Variants in KIF3A observed in about 807,000 individuals in gnomAD.
KIF3A encodes the protein kinesin family member 3A.
KIF3A carries 27 observed loss-of-function variants against 92.6 expected under a neutral mutation model. That is an observed-to-expected ratio of 0.29 (90% CI 0.21 to 0.40). The LOEUF is 0.40. Ranked by LOEUF, KIF3A falls within the 10% of genes least tolerant of loss-of-function variation. The pLI, the probability that KIF3A is intolerant of heterozygous loss-of-function variation, is 1.00. For missense variants in KIF3A, 581 were observed against 872.6 expected (o/e 0.67, Z 4.21); for synonymous variants, 250 against 275.4 (o/e 0.91, Z 0.92).
chr5:132,712,815 A>T (rs1753473638), intron 8 of KIF3A, among the ~76,000 whole-genome samples: 1 of 152,228 alleles, frequency 6.6e-6, no homozygotes, highest in South Asian at 2.1e-4. Context: ...AAGATCAAGA[A>T]AGACTGGGGA....
In KIF3A at chr5:132,737,425, C is replaced by A. The variant is rs375777400; in HGVS notation, c.-6G>T. On this transcript the variant is annotated 5_prime_UTR_variant, in exon 1 of 19. Transcript: ENST00000403231. ...GCGACTCTCCTCACCGGCATCTTGG[C>A]CCCCTCCCGTGCCCGGCGGACGTCC... The A allele has an allele frequency of 7.5e-5, 121 of 1,606,572 alleles. No homozygotes were observed. Among genetic ancestry groups the A allele is most frequent in the Admixed American group, 4.6e-4 (27 of 59,210 alleles).
rs199852288 is a variant in KIF3A, at chr5:132,702,616, T to C, written c.1700A>G (p.Gln567Arg). The change falls in exon 14 of 19, where the codon CAG (glutamine) becomes CGG (arginine). Residue 567 changes from glutamine to arginine, a missense_variant. Transcript: ENST00000403231. ...EKYTSLQEEA[Q>R]GKTKKLKKVW... is the part of the protein sequence containing the mutation. Reference sequence around the variant, plus strand: ...TTTCTTTAACTTCTTGGTCTTTCCCTGTGCTTCCTCTTGCAAACTGGTATA... The same window carrying C: ...TTTCTTTAACTTCTTGGTCTTTCCCCGTGCTTCCTCTTGCAAACTGGTATA... 1.2e-6 allele frequency: 2 copies of C among 1,613,342 alleles called. No homozygotes were observed. Among genetic ancestry groups the C allele is most frequent in the Non-Finnish European group, 1.7e-6 (2 of 1,179,660 alleles).
intron 13 of KIF3A, 39 bp from the exon 14 acceptor site, chr5:132,702,707 T>C (rs751819333): frequency 6.9e-7 from 1 of 1,458,946 alleles, no homozygotes; most frequent in South Asian, 1.2e-5. Flanking sequence ...TAAATTTCTT[T>C]GTAAAATCAA....
chr5:132,723,983 G>A (rs1217245970), intron 4 of KIF3A, among the ~76,000 whole-genome samples: 1 of 152,086 alleles, frequency 6.6e-6, no homozygotes, highest in African/African-American at 2.4e-5. Flanking sequence ...TCAAAAAGTG[G>A]GTGAAGGATA....
chr5:132,737,295 A>AGCCTGCCCCGCCCCACCCAG, intron 1 of KIF3A, 119 bp downstream of exon 1: 1 of 1,195,468 alleles, frequency 8.4e-7, no homozygotes, highest in South Asian at 1.6e-5. Context: ...CGCACGACCG[A>AGCCTGCCCCGCCCCACCCAG]GCCTGCCCCG....
intron 2 of KIF3A, among the ~76,000 whole-genome samples, chr5:132,727,743 A>G (rs1754082497): frequency 6.6e-6 from 1 of 152,214 alleles, no homozygotes; most frequent in South Asian, 2.1e-4. Flanking sequence ...TTGTGGATGA[A>G]GAATTGGAGA....
Position 132,699,217 on chromosome 5 carries a change from T to G in KIF3A, c.2086A>C (p.Arg696=). ...GCTTTCCCCTTTGAAGTTCGTGGTC[T>G]TTCTAGTTTCATCAAAGACTGACGC... is the stretch of plus-strand genomic sequence containing the variant. The part of the protein sequence containing the change: ...SLRQSLMKLE[R]PRTSKGKARP... The change falls in exon 18 of 19, where the codon AGA becomes CGA. Residue 696 remains arginine, a synonymous_variant. Coordinates refer to ENST00000403231, the MANE Select transcript of KIF3A (RefSeq NM_001300791.2). The G allele has an allele frequency of 1.2e-6, 2 of 1,614,080 alleles. No individual in the cohort carries two copies. Among genetic ancestry groups the G allele is most frequent in the Non-Finnish European group, 1.7e-6 (2 of 1,179,944 alleles).
intron 12 of KIF3A, 104 bp downstream of exon 12, chr5:132,703,359 C>T (rs1034658526): frequency 4.9e-6 from 5 of 1,020,272 alleles, no homozygotes; most frequent in South Asian, 1.7e-5. Context: ...ACACTGGAGA[C>T]AAAAATCCAA....
chr5:132,700,352 A>T, intron 16 of KIF3A, 68 bp from the exon 17 acceptor site: 1 of 936,130 alleles, frequency 1.1e-6, no homozygotes, highest in Non-Finnish European at 1.7e-6. Context: ...AGTTAGGCAA[A>T]TAACTGAGAA....
intron 5 of KIF3A, 28 bp from the exon 6 acceptor site, chr5:132,717,012 A>G: frequency 6.2e-7 from 1 of 1,607,766 alleles, no homozygotes; most frequent in South Asian, 1.1e-5. Context: ...AATCCTTTAA[A>G]AGTGTAACAG....
chr5:132,721,653 T>C lies in KIF3A; in HGVS notation c.511-939A>G, dbSNP rs1753828721. The stretch of plus-strand genomic sequence containing the variant: ...TTTATAACAATTGATAAGATAAATT[T>C]ACAAATTAGGAAAAATCCTTTATCT... On this transcript the variant is annotated intron_variant, in intron 4 of 18. Transcript: ENST00000403231. The C allele has an allele frequency of 3.3e-5, 5 of 151,998 alleles. No individual in the cohort carries two copies. The South Asian group carries it at 1.0e-3, about 32-fold the overall frequency. 9.4% of individuals were successfully genotyped at this position (151,998 alleles called of 1,614,324 possible).
At chr5:132,718,671 G>C (rs1040182082) in intron 5 of KIF3A, among the ~76,000 whole-genome samples, 3 of 151,934 alleles carry the variant, frequency 2.0e-5, no homozygotes, top group African/African-American at 4.8e-5. Context: ...CTATTGCCCA[G>C]GCTGGAGTTC....
At chr5:132,700,180 T>G in intron 17 of KIF3A, 36 bp downstream of exon 17, 1 of 1,125,508 alleles carries the variant, frequency 8.9e-7, no homozygotes, top group Non-Finnish European at 1.3e-6. Flanking sequence ...AACAGTAGTT[T>G]TGTGTTTTGT....
intron 2 of KIF3A, among the ~76,000 whole-genome samples, chr5:132,732,168 C>G (rs1363411754): frequency 1.3e-5 from 2 of 152,134 alleles, no homozygotes; most frequent in Non-Finnish European, 2.9e-5. Flanking sequence ...AAGACAGTAA[C>G]AAGTGCTGGC....
At chr5:132,707,091 G>C (rs1290637684) in intron 10 of KIF3A, among the ~76,000 whole-genome samples, 2 of 150,130 alleles carry the variant, frequency 1.3e-5, no homozygotes, top group Non-Finnish European at 3.0e-5. Flanking sequence ...AAAGACACAA[G>C]TTCTCCCAAT....
chr5:132,723,969 C>G (rs1753914484), intron 4 of KIF3A, among the ~76,000 whole-genome samples: 1 of 152,022 alleles, frequency 6.6e-6, no homozygotes. Flanking sequence ...AACAAACAAC[C>G]CCATCAAAAA....
intron 1 of KIF3A, among the ~76,000 whole-genome samples, chr5:132,734,865 C>T (rs1490877355): frequency 6.6e-6 from 1 of 152,146 alleles, no homozygotes; most frequent in South Asian, 2.1e-4. Context: ...AATAGTAGGT[C>T]CTTTGTTTCC....
chr5:132,732,823 C>A, intron 2 of KIF3A, among the ~76,000 whole-genome samples: 1 of 151,788 alleles, frequency 6.6e-6, no homozygotes, highest in East Asian at 1.9e-4. Flanking sequence ...GCAGGAGAAT[C>A]GCTTGAACCC....
chr5:132,736,767 T>C, intron 1 of KIF3A: 1 of 467,940 alleles, frequency 2.1e-6, no homozygotes, highest in South Asian at 1.6e-5. Context: ...AACCACTAAA[T>C]AAGCGGCCAT....
Sources: allele counts gnomAD v4.1 joint callset (sites outside exome capture counted in the v4.1 genomes callset), GRCh38; gene constraint gnomAD v4.1.1; transcripts MANE v1.5; gene names NCBI Gene and HGNC (gene_info 2026-07-23, HGNC 2026-07-21).